FRMD4A: variants seen among roughly 807,000 people sequenced by gnomAD.
FRMD4A encodes the protein FERM domain-containing protein 4A.
A neutral mutation model predicts 129.1 loss-of-function variants in FRMD4A; 29 were observed. The observed-to-expected ratio is 0.22, with a 90% CI of 0.17 to 0.31. The LOEUF is 0.31. Ranked by LOEUF, FRMD4A falls within the 10% of genes least tolerant of loss-of-function variation. The probability of loss-of-function intolerance (pLI) is 1.00; values close to 1 mark genes in which losing one functional copy is unlikely to be tolerated. For missense variants in FRMD4A, 1,272 were observed against 1,375.8 expected, an observed-to-expected ratio of 0.92 and a Z score of 1.19; for synonymous variants, 634 against 571.6, an observed-to-expected ratio of 1.11 and a Z score of -1.56.
rs1030625819 is a variant in FRMD4A at position 13,707,142 on chromosome 10, T to C, written c.760-29A>G. On this transcript the variant is annotated intron_variant, in intron 12 of 24. Transcript: ENST00000357447. The stretch of plus-strand genomic sequence containing the variant: ...GACAGAAAACAGTGTAGTTTAAAAC[T>C]CAGGAGGGGCTGGCTCCTGGGCCAT... 8.7e-6 allele frequency: 11 copies of C among 1,266,796 alleles called. No homozygotes were observed. In the East Asian group the frequency reaches 2.6e-4, roughly 30 times the overall value. 78.5% of individuals were successfully genotyped at this position (1,266,796 alleles called of 1,614,324 possible).
rs564797432 is a variant in FRMD4A at position 13,772,971 on chromosome 10, A to C, written c.384+9951T>G. Among the ~76,000 whole-genome samples the C allele has an allele frequency of 3.3e-5, 5 of 152,358 alleles. No individual in the cohort carries two copies. In the South Asian group the frequency reaches 1.0e-3, roughly 32 times the overall value. ...AGAGTAGAAGTGGATTGTTTGTAAC[A>C]CAAAGGATAAATGCTTGAGGGGGTG... On this transcript the variant is annotated intron_variant, in intron 6 of 24. Coordinates refer to ENST00000357447, the MANE Select transcript of FRMD4A (RefSeq NM_018027.5).
intron 2 of FRMD4A, among the ~76,000 whole-genome samples, chr10:14,187,922 G>A (rs1362714511): frequency 1.3e-5 from 2 of 152,082 alleles, no homozygotes; most frequent in Admixed American, 6.5e-5. Context: ...CAGTTTTCCC[G>A]GGAGATGACG....
intron 2 of FRMD4A, among the ~76,000 whole-genome samples, chr10:14,157,284 G>T (rs1022029294): frequency 3.3e-5 from 5 of 152,112 alleles, no homozygotes; most frequent in African/African-American, 1.2e-4. Context: ...CACCCTAGTG[G>T]ACCCCATGAC....
At chr10:13,689,588 G>A (rs1280916183) in intron 15 of FRMD4A, among the ~76,000 whole-genome samples, 1 of 139,562 alleles carries the variant, frequency 7.2e-6, no homozygotes, top group Non-Finnish European at 1.5e-5. Flanking sequence ...GTCTCACTCT[G>A]TCACCTAGGC....
At chr10:13,750,410 C>A (rs1279068421) in intron 8 of FRMD4A, among the ~76,000 whole-genome samples, 1 of 152,100 alleles carries the variant, frequency 6.6e-6, no homozygotes, top group East Asian at 1.9e-4. Context: ...CCAGAAGGTG[C>A]CCACGATTTA....
intron 2 of FRMD4A, among the ~76,000 whole-genome samples, chr10:13,866,777 C>A (rs903188188): frequency 2.0e-5 from 3 of 152,092 alleles, no homozygotes; most frequent in Admixed American, 1.3e-4. Flanking sequence ...CATGGTGAAA[C>A]CTCTTCTCTA....
rs542595533 is a variant in FRMD4A, at chr10:13,792,606, T to C, written c.299+3890A>G. ...CTTTTTAATTCGGAATAATCAGACC[T>C]GCTTCCAGGGTTGCTGCAAAGATTA... On this transcript the variant is annotated intron_variant, in intron 5 of 24. Transcript: ENST00000357447. 3.3e-5 allele frequency among the ~76,000 whole-genome samples: 5 copies of C among 152,318 alleles called. No homozygotes were observed. The South Asian group carries it at 1.0e-3, about 32-fold the overall frequency.
intron 2 of FRMD4A, among the ~76,000 whole-genome samples, chr10:14,219,949 G>T (rs539149168): frequency 6.6e-6 from 1 of 152,174 alleles, no homozygotes; most frequent in Non-Finnish European, 1.5e-5. Context: ...AAGAGAGAAG[G>T]GTGGAGATTT....
intron 2 of FRMD4A, among the ~76,000 whole-genome samples, chr10:14,121,604 C>G (rs79055945): frequency 0.023 from 3,555 of 152,238 alleles, 67 homozygotes; most frequent in Non-Finnish European, 0.036. Context: ...AAGCAACATC[C>G]CTGGAGCAGG....
At chr10:14,176,812 G>C (rs1841746014) in intron 2 of FRMD4A, among the ~76,000 whole-genome samples, 1 of 151,984 alleles carries the variant, frequency 6.6e-6, no homozygotes, top group Admixed American at 6.6e-5. Flanking sequence ...CTCTTCCCCA[G>C]ACCCTTCCTC....
chr10:13,699,233 T>TTG (rs2086560191), intron 14 of FRMD4A, among the ~76,000 whole-genome samples: 1 of 128,478 alleles, frequency 7.8e-6, no homozygotes, highest in Admixed American at 7.7e-5. Context: ...TGTTTTTTTT[T>TTG]TTTTTTTTTT....
chr10:13,771,533 C>T (rs1372584411), intron 6 of FRMD4A, among the ~76,000 whole-genome samples: 2 of 152,140 alleles, frequency 1.3e-5, no homozygotes, highest in Admixed American at 6.5e-5. Flanking sequence ...ATCCTTGCTC[C>T]CTTGGAAAGT....
chr10:14,011,765 T>G (rs1194136289), intron 2 of FRMD4A, among the ~76,000 whole-genome samples: 2 of 151,972 alleles, frequency 1.3e-5, no homozygotes, highest in African/African-American at 4.8e-5. Flanking sequence ...TCCCAGCACT[T>G]TGGGACTCAG....
intron 2 of FRMD4A, among the ~76,000 whole-genome samples, chr10:14,245,486 C>T (rs1368580854): frequency 6.6e-6 from 1 of 152,128 alleles, no homozygotes; most frequent in Non-Finnish European, 1.5e-5. Flanking sequence ...AGAAGCTGCT[C>T]AAGTCCTGTT....
chr10:13,683,238 G>A (rs1376823328), intron 15 of FRMD4A, among the ~76,000 whole-genome samples: 1 of 152,118 alleles, frequency 6.6e-6, no homozygotes, highest in African/African-American at 2.4e-5. Context: ...GACACGAACA[G>A]CAGACATGCA....
intron 9 of FRMD4A, among the ~76,000 whole-genome samples, chr10:13,746,303 C>T (rs945107821): frequency 6.6e-6 from 1 of 152,148 alleles, no homozygotes; most frequent in Non-Finnish European, 1.5e-5. Flanking sequence ...CTCCGACTCC[C>T]AAGTTCAAGT....
intron 15 of FRMD4A, among the ~76,000 whole-genome samples, chr10:13,691,815 G>C (rs117151144): frequency 6.6e-6 from 1 of 152,140 alleles, no homozygotes; most frequent in Non-Finnish European, 1.5e-5. Context: ...AGGAAAAAAC[G>C]CGATTGTAGG....
At chr10:14,160,913 G>A (rs1193775959) in intron 2 of FRMD4A, among the ~76,000 whole-genome samples, 3 of 152,302 alleles carry the variant, frequency 2.0e-5, no homozygotes, top group South Asian at 2.1e-4. Context: ...ACTGTTGGTA[G>A]GAACGTAGAT....
chr10:13,861,737 C>A (rs2094297730), intron 2 of FRMD4A, among the ~76,000 whole-genome samples: 1 of 152,188 alleles, frequency 6.6e-6, no homozygotes, highest in Admixed American at 6.5e-5. Flanking sequence ...GGGCTCAAGT[C>A]CTATTAGAAT....
Sources: allele counts gnomAD v4.1 joint callset (sites outside exome capture counted in the v4.1 genomes callset), GRCh38; gene constraint gnomAD v4.1.1; transcripts MANE v1.5; gene names NCBI Gene and HGNC (gene_info 2026-07-23, HGNC 2026-07-21).